Variants in SPATA22 observed in about 807,000 individuals in gnomAD.
SPATA22 encodes the protein spermatogenesis-associated protein 22.
SPATA22 carries 29 observed loss-of-function variants against 47.8 expected under a neutral mutation model. That is an observed-to-expected ratio of 0.61 (90% confidence interval 0.45 to 0.83). The LOEUF (loss-of-function observed/expected upper bound fraction) is 0.83. SPATA22 is among the 40% of genes least tolerant of loss of function. The pLI, the probability that SPATA22 is intolerant of heterozygous loss-of-function variation, is 0.00. For missense variants in SPATA22, 410 were observed against 421.7 expected, an observed-to-expected ratio of 0.97 and a Z score of 0.24; for synonymous variants, 133 against 140.9, an observed-to-expected ratio of 0.94 and a Z score of 0.40.
At chr17:3,469,879 A>T (rs1203261259) in intron 1 of SPATA22, among the ~76,000 whole-genome samples, 1 of 152,162 alleles carries the variant, frequency 6.6e-6, no homozygotes, top group Non-Finnish European at 1.5e-5. Flanking sequence ...AGTCTTCCTG[A>T]GGTCAGGAGT....
upstream of SPATA22, chr17:3,471,838 G>T: frequency 1.0e-6 from 1 of 985,084 alleles, no homozygotes; most frequent in Non-Finnish European, 1.2e-6. Flanking sequence ...CGCAGGCGCC[G>T]TGGACCGCGC....
chr17:3,442,974 T>C (rs552065185), intron 8 of SPATA22, among the ~76,000 whole-genome samples, 200 bp downstream of exon 8: 3 of 152,070 alleles, frequency 2.0e-5, no homozygotes, highest in East Asian at 3.9e-4. Flanking sequence ...CATTCCACTT[T>C]ATATCCCTCA....
intron 5 of SPATA22, among the ~76,000 whole-genome samples, chr17:3,456,011 G>A (rs567422268): frequency 0.015 from 2,274 of 151,948 alleles, 34 homozygotes; most frequent in African/African-American, 0.043. Flanking sequence ...GGTCCTTCAC[G>A]TCCCTTGTAA....
At chr17:3,479,071 TC>T (rs981399845) in intron 1 of SPATA22, among the ~76,000 whole-genome samples, 1 of 152,236 alleles carries the variant, frequency 6.6e-6, no homozygotes, top group African/African-American at 2.4e-5. Context: ...CTAGGAATCA[TC>T]CTAATATGCA....
upstream of SPATA22, chr17:3,476,247 C>T (rs2073520755): frequency 3.1e-6 from 5 of 1,614,178 alleles, no homozygotes; most frequent in Admixed American, 1.7e-5. Flanking sequence ...CGGAGTATTT[C>T]TGGTTAAGCA....
chr17:3,454,027 T>C, intron 5 of SPATA22, among the ~76,000 whole-genome samples: 1 of 152,104 alleles, frequency 6.6e-6, no homozygotes, highest in East Asian at 1.9e-4. Flanking sequence ...TTCAGTAAAA[T>C]TGCAGGATAC....
intron 1 of SPATA22, among the ~76,000 whole-genome samples, chr17:3,469,621 T>C (rs1567605083): frequency 6.6e-6 from 1 of 152,250 alleles, no homozygotes; most frequent in Non-Finnish European, 1.5e-5. Flanking sequence ...CGTAAACATA[T>C]GTGCATTTTT....
chr17:3,452,429 T>C (rs1301147821), intron 5 of SPATA22, among the ~76,000 whole-genome samples: 4 of 151,654 alleles, frequency 2.6e-5, no homozygotes, highest in Admixed American at 6.6e-5. Context: ...CCGTCTCTAC[T>C]AAAAATATAA....
Position 3,458,108 on chromosome 17 carries a change from G to A in SPATA22, c.329+4375C>T, listed in dbSNP as rs552994445. Among the ~76,000 whole-genome samples, 91 of 152,166 alleles carry A rather than the reference G, an allele frequency of 6.0e-4. 1 individual carries two copies. The highest frequency in any genetic ancestry group is 6.8e-3 in the Middle Eastern group (2 of 294). ...GTAGTTAATATCCAAAATATTTAAGGAATTCACAGAACTCAGTAACAAAAA... is the reference window on the plus strand; with the variant it reads ...GTAGTTAATATCCAAAATATTTAAGAAATTCACAGAACTCAGTAACAAAAA... On this transcript the variant is annotated intron_variant, in intron 5 of 8. Transcript: ENST00000572969.
chr17:3,451,140 A>G (rs1948173), intron 5 of SPATA22, among the ~76,000 whole-genome samples: 35,593 of 152,102 alleles, frequency 0.23, 4,438 homozygotes, highest in East Asian at 0.42. Context: ...AACAGCAACC[A>G]AAAGAAAACA....
intron 1 of SPATA22, chr17:3,499,812 T>G (rs1481722224): frequency 6.6e-6 from 1 of 152,196 alleles, no homozygotes; most frequent in Non-Finnish European, 1.5e-5. Flanking sequence ...TACAGCAGAC[T>G]CTGTGTGTTC....
intron 1 of SPATA22, 107 bp from the exon 2 acceptor site, chr17:3,469,505 C>T (rs760834235): frequency 9.1e-6 from 5 of 546,540 alleles, no homozygotes; most frequent in South Asian, 8.7e-5. Context: ...AACCTGATCA[C>T]GTAAACACTT....
rs1428579605 is a variant in SPATA22 at position 3,464,637 on chromosome 17, A to G, written c.173-1870T>C. Among the ~76,000 whole-genome samples, 7 of 125,346 alleles carry G rather than the reference A, an allele frequency of 5.6e-5. No individual in the cohort carries two copies. The South Asian group carries it at 1.1e-3, about 20-fold the overall frequency. The allele number at this position is 125,346 out of a possible 152,430, so 82.2% of individuals were successfully genotyped here. On this transcript the variant is annotated intron_variant, in intron 3 of 8. Transcript: ENST00000572969. ...GGGAGCACCTTTGCCCCGCCGCCCC[A>G]TCTGGGATGTGAGGAGCGCCTCTGC...
intron 1 of SPATA22, chr17:3,513,039 C>T (rs2074134944): frequency 6.6e-6 from 1 of 152,310 alleles, no homozygotes; most frequent in Non-Finnish European, 1.5e-5. Flanking sequence ...TCGCGGCGGC[C>T]CAGCAGGACT....
At chr17:3,506,347 T>TC (rs2074040264) in intron 1 of SPATA22, among the ~76,000 whole-genome samples, 1 of 151,826 alleles carries the variant, frequency 6.6e-6, no homozygotes, top group Non-Finnish European at 1.5e-5. Flanking sequence ...GAAGCTTACA[T>TC]CCCATCAAAG....
rs1597441198 is a variant in SPATA22, at chr17:3,491,000, A to G, written c.-73-21602T>C. The stretch of plus-strand genomic sequence containing the variant: ...GGTGGATTTTCAACTGAGCACTCCT[A>G]TCCACAGAATGCTGACAAATGAATC... On this transcript the variant is annotated intron_variant, in intron 1 of 8. Coordinates refer to the SPATA22 transcript ENST00000541913. This position sits in a 1 kb window ranked among gnomAD's most constrained non-coding sequence, Gnocchi z 4.6. 6.6e-6 allele frequency among the ~76,000 whole-genome samples: 1 copy of G among 152,222 alleles called. No homozygotes were observed. Among genetic ancestry groups the G allele is most frequent in the Non-Finnish European group, 1.5e-5 (1 of 68,036 alleles).
chr17:3,505,570 GCTGGGGAAACCCTGAAGC>G (rs2074032800), intron 1 of SPATA22, among the ~76,000 whole-genome samples: 3 of 152,126 alleles, frequency 2.0e-5, no homozygotes, highest in Admixed American at 2.0e-4. Context: ...AAAAGTGGCA[GCTGGGGAAACCCTGAAGC>G]CTGAGAGTCC....
At chr17:3,492,394 CT>C (rs1194004611) in intron 1 of SPATA22, among the ~76,000 whole-genome samples, 2 of 152,216 alleles carry the variant, frequency 1.3e-5, no homozygotes. Context: ...TCCTATCCAA[CT>C]TTTTGGTTTA....
Position 3,507,012 on chromosome 17 carries a change from G to C in SPATA22, c.-74+6400C>G, listed in dbSNP as rs143311530. Among the ~76,000 whole-genome samples, 660 of 145,970 alleles carry C rather than the reference G, an allele frequency of 4.5e-3. 4 individuals carry two copies. The highest frequency in any genetic ancestry group is 0.016 in the African/African-American group (605 of 37,956). ...GAAGGAAGGGAGGGAGGAAGGGAGGGAGGGGAGGAGGGAGTGGGGAGGCGA... is the reference window on the plus strand; with the variant it reads ...GAAGGAAGGGAGGGAGGAAGGGAGGCAGGGGAGGAGGGAGTGGGGAGGCGA... On this transcript the variant is annotated intron_variant, in intron 1 of 8. Transcript: ENST00000541913.
Sources: allele counts gnomAD v4.1 joint callset (sites outside exome capture counted in the v4.1 genomes callset), GRCh38; gene constraint gnomAD v4.1.1; non-coding constraint Gnocchi (gnomAD v3.1); transcripts MANE v1.5; gene names NCBI Gene and HGNC (gene_info 2026-07-23, HGNC 2026-07-21).